SHE: variants seen among roughly 807,000 people sequenced by gnomAD.
SHE encodes the protein SH2 domain-containing adapter protein E.
Under a neutral mutation model 49.8 loss-of-function variants are expected in SHE, and 11 were observed. The observed-to-expected ratio is 0.22, with a 90% CI of 0.14 to 0.37. The LOEUF (loss-of-function observed/expected upper bound fraction) is 0.37. Among genes scored for constraint, SHE ranks in the 10% least tolerant of loss-of-function variants. The probability of loss-of-function intolerance (pLI) is 1.00; values close to 1 mark genes in which losing one functional copy is unlikely to be tolerated. For synonymous variants in SHE, 310 were observed against 278.1 expected (o/e 1.11, Z -1.14); for missense variants, 624 against 655.5 (o/e 0.95, Z 0.52).
chr1:154,470,640 G>C (rs1381864641), intron 1 of SHE, among the ~76,000 whole-genome samples: 1 of 152,142 alleles, frequency 6.6e-6, no homozygotes, highest in Non-Finnish European at 1.5e-5. Context: ...AGGAGTTCGA[G>C]ACCAGCCTGG....
At chr1:154,501,278 G>A (rs971461777) in intron 1 of SHE, among the ~76,000 whole-genome samples, 158 bp downstream of exon 1, 8 of 152,196 alleles carry the variant, frequency 5.3e-5, no homozygotes, top group Admixed American at 5.2e-4. Flanking sequence ...AACAGTCTAA[G>A]AATTTTAAAT....
In SHE at chr1:154,481,490, T is replaced by TA. The variant is rs1396018396; in HGVS notation, c.*2658dup. On this transcript the variant is annotated 3_prime_UTR_variant, in exon 6 of 6. Coordinates refer to ENST00000304760, the MANE Select transcript of SHE (RefSeq NM_001010846.3). ...ATATGACAGAAGCTCAATAAATACT[T>TA]AATGTATCTGGCCTGTTTTCAAGAT... 6.1e-6 allele frequency: 6 copies of TA among 985,342 alleles called. No individual in the cohort carries two copies. In the African/African-American group the frequency reaches 1.0e-4, roughly 17 times the overall value. The allele number at this position is 985,342 out of a possible 1,614,324, so 61.0% of individuals were successfully genotyped here.
chr1:154,480,851 ACTCT>A lies in SHE; in HGVS notation c.*3294_*3297del, dbSNP rs887389702. ...ATCAAAGTAAATAGCAAGGTCCTTT[ACTCT>A]CTCTTCTTATAGGCCTGAAACTAAC... On this transcript the variant is annotated 3_prime_UTR_variant, in exon 6 of 6. Coordinates refer to ENST00000304760, the MANE Select transcript of SHE (RefSeq NM_001010846.3). The A allele has an allele frequency of 3.0e-6, 3 of 985,134 alleles. No homozygotes were observed. The highest frequency in any genetic ancestry group is 3.6e-6 in the Non-Finnish European group (3 of 829,912). 61.0% of individuals were successfully genotyped at this position (985,134 alleles called of 1,614,324 possible).
At chr1:154,495,558 C>T (rs1424622020) in intron 2 of SHE, among the ~76,000 whole-genome samples, 3 of 152,018 alleles carry the variant, frequency 2.0e-5, no homozygotes, top group Admixed American at 2.0e-4. Flanking sequence ...TTCCTCTGCC[C>T]CTGAGGTAGA....
rs1475722398 is a variant in SHE at position 154,484,349 on chromosome 1, CAAG to C, written c.1302-17_1302-15del. The stretch of plus-strand genomic sequence containing the variant: ...CCTTGACTAGTCCTGGAATGAAAAT[CAAG>C]GAGGAGACATGAATGAGTGGGCAGA... On this transcript the variant is annotated splice_polypyrimidine_tract_variant and intron_variant, in intron 5 of 5. Transcript: ENST00000304760. 6.2e-7 allele frequency: 1 copy of C among 1,601,632 alleles called. No individual in the cohort carries two copies. The highest frequency in any genetic ancestry group is 1.7e-5 in the Admixed American group (1 of 59,642).
Position 154,482,231 on chromosome 1 carries a change from C to G in SHE, c.*1918G>C. 1 of 736,190 alleles carries G rather than the reference C, an allele frequency of 1.4e-6. No individual in the cohort carries two copies. Among genetic ancestry groups the G allele is most frequent in the South Asian group, 6.2e-5 (1 of 16,218 alleles). The allele number at this position is 736,190 out of a possible 1,614,324, so 45.6% of individuals were successfully genotyped here. A position where few individuals can be genotyped will look rare whatever the true frequency, so the allele number is the denominator to read the frequency against. Reference sequence around the variant, plus strand: ...GTTTCACCATGTTGGCCAGGCTGGTCTCAAACTCCTGACCTCACGTGATCT... The same window carrying G: ...GTTTCACCATGTTGGCCAGGCTGGTGTCAAACTCCTGACCTCACGTGATCT... On this transcript the variant is annotated 3_prime_UTR_variant, in exon 6 of 6. Coordinates refer to ENST00000304760, the MANE Select transcript of SHE (RefSeq NM_001010846.3).
At chr1:154,470,551 CT>C (rs1371681694) in intron 1 of SHE, among the ~76,000 whole-genome samples, 3 of 152,254 alleles carry the variant, frequency 2.0e-5, no homozygotes, top group African/African-American at 7.2e-5. Flanking sequence ...GGTGAAAGGC[CT>C]TTTAAGGCCA....
chr1:154,492,388 C>G (rs891832199), intron 2 of SHE, among the ~76,000 whole-genome samples: 5 of 152,182 alleles, frequency 3.3e-5, no homozygotes, highest in Non-Finnish European at 5.9e-5. Flanking sequence ...CAGTCCCCAT[C>G]TTGGTTCCTC....
Position 154,481,352 on chromosome 1 carries a change from T to C in SHE, c.*2797A>G. ...TTCTTCTTATAACCTCCTGTACAAC[T>C]GTAAAGCAACTGGACAATATGTAAA... On this transcript the variant is annotated 3_prime_UTR_variant, in exon 6 of 6. Transcript: ENST00000304760. The C allele has an allele frequency of 1.0e-6, 1 of 985,454 alleles. No homozygotes were observed. The highest frequency in any genetic ancestry group is 1.2e-6 in the Non-Finnish European group (1 of 829,932). 61.0% of individuals were successfully genotyped at this position (985,454 alleles called of 1,614,324 possible). A position where few individuals can be genotyped will look rare whatever the true frequency, so the allele number is the denominator to read the frequency against.
intron 1 of SHE, among the ~76,000 whole-genome samples, 183 bp from the exon 2 acceptor site, chr1:154,499,421 G>A (rs1316574384): frequency 6.6e-6 from 1 of 151,982 alleles, no homozygotes; most frequent in Non-Finnish European, 1.5e-5. Flanking sequence ...TTTTTTGGTT[G>A]TACAGTTGAT....
At position 154,483,745 on chromosome 1, in the gene SHE, A is replaced by C. The variant is rs1439721353; in HGVS notation, c.*404T>G. 1 of 1,000,120 alleles carries C rather than the reference A, an allele frequency of 1.0e-6. No individual in the cohort carries two copies. The highest frequency in any genetic ancestry group is 1.2e-6 in the Non-Finnish European group (1 of 838,292). The allele number at this position is 1,000,120 out of a possible 1,614,324, so 62.0% of individuals were successfully genotyped here. A position where few individuals can be genotyped will look rare whatever the true frequency, so the allele number is the denominator to read the frequency against. ...AGTGGCTCATGCCTGTAATCCAGGC[A>C]CTCGGGGAGACTGAGGTGGGTGGAT... On this transcript the variant is annotated 3_prime_UTR_variant, in exon 6 of 6. Transcript: ENST00000304760.
downstream of SHE, among the ~76,000 whole-genome samples, chr1:154,478,019 AC>A (rs1165578904): frequency 6.6e-6 from 1 of 152,042 alleles, no homozygotes; most frequent in Non-Finnish European, 1.5e-5. Flanking sequence ...TACTCTGGGT[AC>A]CTCATGTAAG....
rs766680190 is a variant in SHE, at chr1:154,485,967, T to G, written c.1277A>C (p.Asn426Thr). 7.4e-6 allele frequency: 12 copies of G among 1,614,106 alleles called. No homozygotes were observed. The highest frequency in any genetic ancestry group is 1.0e-5 in the Non-Finnish European group (12 of 1,179,968). ...CTTTAGGGCAATGGAGTACCTGCTG[T>G]TCCCTGACTCACTATTTCGAACCAG... ...GYLVRNSESG[N>T]SRYSIALKTS... The change falls in exon 5 of 6, where the codon AAC becomes ACC. Residue 426 changes from asparagine (N) to threonine (T), a missense_variant. Asn to Thr is a moderately conservative substitution (Grantham distance 65, BLOSUM62 0). Coordinates refer to ENST00000304760, the MANE Select transcript of SHE (RefSeq NM_001010846.3).
At position 154,489,292 on chromosome 1, in the gene SHE, A is replaced by G; in HGVS notation, c.783T>C (p.Cys261=). The change falls in exon 3 of 6, where the codon TGT becomes TGC. Residue 261 remains cysteine (C), a synonymous_variant. Transcript: ENST00000304760. ...VKALQLLDSP[C]EPADGGLKSE... ...ATTTCAGGCCACCGTCTGCGGGTTC[A>G]CAGGGACTGTCAAGCAGCTGGAGAG... 6.2e-7 allele frequency: 1 copy of G among 1,614,192 alleles called. No homozygotes were observed. The highest frequency in any genetic ancestry group is 8.5e-7 in the Non-Finnish European group (1 of 1,180,020).
At chr1:154,476,782 C>T (rs1297514404), downstream of SHE, among the ~76,000 whole-genome samples, 2 of 152,036 alleles carry the variant, frequency 1.3e-5, no homozygotes, top group East Asian at 3.8e-4. Context: ...GCTTGATCAA[C>T]AAATTGGCTT....
At position 154,483,271 on chromosome 1, in the gene SHE, A is replaced by G. The variant is rs1476812367; in HGVS notation, c.*878T>C. ...CACACTTTCTTGGAAAGGCTGACCAACAAAATAATCCTTAGGCCACACTCT... is the reference window on the plus strand; with the variant it reads ...CACACTTTCTTGGAAAGGCTGACCAGCAAAATAATCCTTAGGCCACACTCT... On this transcript the variant is annotated 3_prime_UTR_variant, in exon 6 of 6. Transcript: ENST00000304760. 11 of 985,316 alleles carry G rather than the reference A, an allele frequency of 1.1e-5. No homozygotes were observed. The highest frequency in any genetic ancestry group is 1.2e-6 in the Non-Finnish European group (1 of 829,934). The allele number at this position is 985,316 out of a possible 1,614,324, so 61.0% of individuals were successfully genotyped here. A position where few individuals can be genotyped will look rare whatever the true frequency, so the allele number is the denominator to read the frequency against.
Position 154,481,680 on chromosome 1 carries a change from T to C in SHE, c.*2469A>G. On this transcript the variant is annotated 3_prime_UTR_variant, in exon 6 of 6. Coordinates refer to ENST00000304760, the MANE Select transcript of SHE (RefSeq NM_001010846.3). ...TAAAAACGTTTCATTTCTAGAATGT[T>C]AAACTAAAAATAAGTTTAACACAAT... The C allele has an allele frequency of 1.0e-6, 1 of 970,228 alleles. No individual in the cohort carries two copies. The highest frequency in any genetic ancestry group is 1.2e-6 in the Non-Finnish European group (1 of 816,104). 60.1% of individuals were successfully genotyped at this position (970,228 alleles called of 1,614,324 possible).
chr1:154,495,784 T>C (rs1692511029), intron 2 of SHE, among the ~76,000 whole-genome samples: 1 of 151,852 alleles, frequency 6.6e-6, no homozygotes, highest in Admixed American at 6.6e-5. Flanking sequence ...AAACAACATA[T>C]GGGCAGTATT....
At chr1:154,474,895 G>C (rs1435184589), downstream of SHE, among the ~76,000 whole-genome samples, 3 of 152,216 alleles carry the variant, frequency 2.0e-5, no homozygotes, top group African/African-American at 7.2e-5. Flanking sequence ...GCTGCTCTCT[G>C]GGTGCAAGAA....
Sources: gnomAD v4.1 joint callset for allele counts (sites outside exome capture counted in the v4.1 genomes callset) on GRCh38, gnomAD v4.1.1 for gene constraint, MANE v1.5 for transcripts, NCBI Gene and HGNC (gene_info 2026-07-23, HGNC 2026-07-21) for gene names.